Variants in GMDS observed in about 807,000 individuals in gnomAD.
GMDS encodes the protein GDP-mannose 4,6-dehydratase.
Under a neutral mutation model 49.9 loss-of-function variants are expected in GMDS, and 20 were observed. The observed-to-expected ratio is 0.40, with a 90% CI of 0.28 to 0.58. The LOEUF (loss-of-function observed/expected upper bound fraction) is 0.58, where lower values mean the gene tolerates loss of function less well. Ranked by LOEUF, GMDS falls within the 20% of genes least tolerant of loss-of-function variation. The pLI, the probability that GMDS is intolerant of heterozygous loss-of-function variation, is 0.42. For missense variants in GMDS, 362 were observed against 481.4 expected, an observed-to-expected ratio of 0.75 and a Z score of 2.32; for synonymous variants, 177 against 178.6, an observed-to-expected ratio of 0.99 and a Z score of 0.07.
chr6:2,201,235 A>G (rs1779518250), intron 1 of GMDS, among the ~76,000 whole-genome samples: 1 of 134,960 alleles, frequency 7.4e-6, no homozygotes, highest in Non-Finnish European at 1.6e-5. Flanking sequence ...TGTAACAACC[A>G]TCTAGGCAGT....
chr6:1,725,687 C>G (rs1766557885), intron 9 of GMDS, among the ~76,000 whole-genome samples: 2 of 152,234 alleles, frequency 1.3e-5, no homozygotes, highest in Non-Finnish European at 2.9e-5. Flanking sequence ...ATGCCTCTGC[C>G]TCCCAAAGGG....
At chr6:1,716,414 T>A (rs751575236) in intron 9 of GMDS, among the ~76,000 whole-genome samples, 1 of 152,192 alleles carries the variant, frequency 6.6e-6, no homozygotes, top group Non-Finnish European at 1.5e-5. Flanking sequence ...AAAGACAGAT[T>A]AATGGTATCA....
chr6:1,801,591 G>A (rs114555280), intron 7 of GMDS, among the ~76,000 whole-genome samples: 291 of 152,328 alleles, frequency 1.9e-3, no homozygotes, highest in African/African-American at 6.6e-3. Flanking sequence ...GGAGAGGCAG[G>A]GCAAAGGGAG....
intron 7 of GMDS, among the ~76,000 whole-genome samples, chr6:1,921,772 G>A (rs958806204): frequency 3.3e-5 from 5 of 152,000 alleles, no homozygotes; most frequent in African/African-American, 4.8e-5. Context: ...CAGAAACCAC[G>A]TTCTTCTAAA....
chr6:1,976,695 T>A (rs1764923827), intron 4 of GMDS, among the ~76,000 whole-genome samples: 1 of 152,182 alleles, frequency 6.6e-6, no homozygotes, highest in Non-Finnish European at 1.5e-5. Flanking sequence ...GTATTAATAC[T>A]TCTGGTATTA....
In GMDS at chr6:2,188,600, C is replaced by T. The variant is rs552765400; in HGVS notation, c.102+56721G>A. The stretch of plus-strand genomic sequence containing the variant: ...TAAAGATTTCAAGTTATTGCTTCAT[C>T]GACAATGGTTAGGTTCCTCACTAAG... On this transcript the variant is annotated intron_variant, in intron 1 of 10. Coordinates refer to ENST00000380815, the MANE Select transcript of GMDS (RefSeq NM_001500.4). 2.6e-4 allele frequency among the ~76,000 whole-genome samples: 39 copies of T among 152,286 alleles called. 1 individual carries two copies. The South Asian group carries it at 7.0e-3, about 28-fold the overall frequency.
At position 1,836,559 on chromosome 6, in the gene GMDS, C is replaced by T. The variant is rs942236862; in HGVS notation, c.771+93544G>A. The stretch of plus-strand genomic sequence containing the variant: ...ACTTTATGATAAAATAGCTAATGTC[C>T]TTTCATTAGTATAATGACATCTACT... On this transcript the variant is annotated intron_variant, in intron 7 of 10. Coordinates refer to ENST00000380815, the MANE Select transcript of GMDS (RefSeq NM_001500.4). This position sits in a 1 kb window ranked among gnomAD's most constrained non-coding sequence, Gnocchi z 4.2. Among the ~76,000 whole-genome samples, 1 of 152,210 alleles carries T rather than the reference C, an allele frequency of 6.6e-6. No homozygotes were observed. The highest frequency in any genetic ancestry group is 2.4e-5 in the African/African-American group (1 of 41,444).
intron 1 of GMDS, among the ~76,000 whole-genome samples, chr6:2,232,490 C>A (rs1258649004): frequency 2.6e-5 from 4 of 152,242 alleles, no homozygotes; most frequent in Non-Finnish European, 2.9e-5. Flanking sequence ...CTACCACTCA[C>A]ATCCACTTTC....
chr6:2,184,022 C>T (rs1317519462), intron 1 of GMDS, among the ~76,000 whole-genome samples: 1 of 152,054 alleles, frequency 6.6e-6, no homozygotes, highest in Non-Finnish European at 1.5e-5. Flanking sequence ...CTTGTATATG[C>T]ATAAGTTATA....
rs386405902 is a variant in GMDS, at chr6:2,079,019, C to CTTTTTTT, written c.345+36745_345+36751dup. Among the ~76,000 whole-genome samples, 59 of 33,974 alleles carry CTTTTTTT rather than the reference C, an allele frequency of 1.7e-3. 7 individuals carry two copies. The highest frequency in any genetic ancestry group is 5.4e-3 in the East Asian group (4 of 746). The allele number at this position is 33,974 out of a possible 152,430, so 22.3% of individuals were successfully genotyped here. A position where few individuals can be genotyped will look rare whatever the true frequency, so the allele number is the denominator to read the frequency against. ...CTTTGTCATTGCATAATGACCTTGT[C>CTTTTTTT]TTTTTTTTTTTTTTTTTTTTTTTTT... is the stretch of plus-strand genomic sequence containing the variant. On this transcript the variant is annotated intron_variant, in intron 4 of 10. Coordinates refer to ENST00000380815, the MANE Select transcript of GMDS (RefSeq NM_001500.4).
intron 7 of GMDS, among the ~76,000 whole-genome samples, chr6:1,857,681 G>A (rs886759694): frequency 3.9e-5 from 6 of 152,032 alleles, no homozygotes; most frequent in African/African-American, 1.2e-4. Context: ...TTGCATTATC[G>A]AAGAGATAAT....
intron 7 of GMDS, among the ~76,000 whole-genome samples, chr6:1,786,244 G>T (rs991113157): frequency 1.3e-5 from 2 of 152,200 alleles, no homozygotes; most frequent in Non-Finnish European, 2.9e-5. Flanking sequence ...TCATTAAATT[G>T]CAGCCATCAA....
intron 4 of GMDS, among the ~76,000 whole-genome samples, chr6:1,962,214 G>A (rs73427410): frequency 0.024 from 3,699 of 152,092 alleles, 144 homozygotes; most frequent in African/African-American, 0.083. Flanking sequence ...AAGAAACTCC[G>A]TACCTAGTAC....
At chr6:1,888,476 C>T (rs1006026476) in intron 7 of GMDS, among the ~76,000 whole-genome samples, 25 of 152,104 alleles carry the variant, frequency 1.6e-4, no homozygotes, top group Non-Finnish European at 1.6e-4. Context: ...ATGGGGGAAA[C>T]GACCCCCATC....
At chr6:2,052,328 G>A (rs1466374585) in intron 4 of GMDS, among the ~76,000 whole-genome samples, 1 of 152,082 alleles carries the variant, frequency 6.6e-6, no homozygotes, top group South Asian at 2.1e-4. Flanking sequence ...ACCGGTAGTA[G>A]TACTTTTAGC....
At chr6:1,851,869 G>C (rs1052316225) in intron 7 of GMDS, among the ~76,000 whole-genome samples, 1 of 152,106 alleles carries the variant, frequency 6.6e-6, no homozygotes, top group Non-Finnish European at 1.5e-5. Flanking sequence ...CAAACGACAG[G>C]CTCCACCCAC....
intron 4 of GMDS, among the ~76,000 whole-genome samples, chr6:1,981,232 A>C (rs115797067): frequency 0.023 from 2,978 of 127,874 alleles, 97 homozygotes; most frequent in African/African-American, 0.096. Context: ...AAAAACCTGC[A>C]AAAAAAAAAA....
Position 1,934,747 on chromosome 6 carries a change from T to A in GMDS, c.644-4517A>T, listed in dbSNP as rs376315461. 7.2e-5 allele frequency among the ~76,000 whole-genome samples: 11 copies of A among 151,764 alleles called. No homozygotes were observed. The East Asian group carries it at 1.9e-3, about 27-fold the overall frequency. On this transcript the variant is annotated intron_variant, in intron 6 of 10. Coordinates refer to ENST00000380815, the MANE Select transcript of GMDS (RefSeq NM_001500.4). ...ATTCTCAAGAAAGGCTTAAAATGAT[T>A]TTTTTTTTAAATTTGCTCTCCTCAT... is the stretch of plus-strand genomic sequence containing the variant.
At chr6:1,698,297 C>T (rs1454402105) in intron 9 of GMDS, among the ~76,000 whole-genome samples, 1 of 152,206 alleles carries the variant, frequency 6.6e-6, no homozygotes, top group African/African-American at 2.4e-5. Context: ...GCGCTGGAGA[C>T]AAGGCCTGGA....
Sources: allele counts gnomAD v4.1 joint callset (sites outside exome capture counted in the v4.1 genomes callset), GRCh38; gene constraint gnomAD v4.1.1; non-coding constraint Gnocchi (gnomAD v3.1); transcripts MANE v1.5; gene names NCBI Gene and HGNC (gene_info 2026-07-23, HGNC 2026-07-21).